PHC2: variants seen among roughly 807,000 people sequenced by gnomAD.
PHC2 encodes the protein polyhomeotic homolog 2.
Under a neutral mutation model 87.4 loss-of-function variants are expected in PHC2, and 29 were observed. The observed-to-expected ratio is 0.33, with a 90% confidence interval of 0.25 to 0.45. PHC2 has a LOEUF of 0.45. Among genes scored for constraint, PHC2 ranks in the 20% least tolerant of loss-of-function variants. The pLI is 1.00. For synonymous variants in PHC2, 438 were observed against 461.7 expected (o/e 0.95, Z 0.66); for missense variants, 857 against 1,136.7 (o/e 0.75, Z 3.54).
At chr1:33,343,487 A>T (rs1024259963) in intron 9 of PHC2, among the ~76,000 whole-genome samples, 2 of 151,440 alleles carry the variant, frequency 1.3e-5, no homozygotes, top group Admixed American at 1.3e-4. Context: ...AAAAAAAAAA[A>T]AAAAGACTCT....
At chr1:33,352,749 G>A (rs1159085810) in intron 9 of PHC2, among the ~76,000 whole-genome samples, 9 of 152,188 alleles carry the variant, frequency 5.9e-5, no homozygotes, top group African/African-American at 2.2e-4. Flanking sequence ...TTCCTATAGG[G>A]TGGGAGAGTT....
At chr1:33,410,306 T>G (rs1421428987) in intron 1 of PHC2, among the ~76,000 whole-genome samples, 3 of 152,202 alleles carry the variant, frequency 2.0e-5, no homozygotes, top group Non-Finnish European at 2.9e-5. Flanking sequence ...ATTGTCTTTG[T>G]GAATGACTCT....
intron 9 of PHC2, among the ~76,000 whole-genome samples, chr1:33,351,870 T>G (rs1219857448): frequency 1.3e-5 from 2 of 149,050 alleles, no homozygotes; most frequent in East Asian, 3.9e-4. Flanking sequence ...GAGAGTCACT[T>G]GAACCCGGGA....
At chr1:33,398,077 A>G (rs1371822305) in intron 1 of PHC2, among the ~76,000 whole-genome samples, 3 of 152,236 alleles carry the variant, frequency 2.0e-5, no homozygotes, top group Non-Finnish European at 2.9e-5. Flanking sequence ...CCATTAGATC[A>G]TCTAGCCCTG....
intron 1 of PHC2, among the ~76,000 whole-genome samples, chr1:33,428,416 G>A (rs931949943): frequency 2.5e-4 from 38 of 152,146 alleles, no homozygotes; most frequent in African/African-American, 8.7e-4. Flanking sequence ...TTCTTTACAC[G>A]ACTTGATCTG....
chr1:33,353,556 C>T (rs1647013183), intron 9 of PHC2: 1 of 152,244 alleles, frequency 6.6e-6, no homozygotes, highest in South Asian at 2.1e-4. Context: ...AACCTTCGTA[C>T]TCTTTTTGCC....
chr1:33,337,463 G>A (rs1379386376), intron 9 of PHC2, among the ~76,000 whole-genome samples: 2 of 152,112 alleles, frequency 1.3e-5, no homozygotes, highest in Non-Finnish European at 2.9e-5. Context: ...GCAGAGACAC[G>A]GGCTTAGACC....
At chr1:33,347,510 T>G (rs1473397791) in intron 9 of PHC2, 1 of 984,994 alleles carries the variant, frequency 1.0e-6, no homozygotes, top group Non-Finnish European at 1.2e-6. Flanking sequence ...GGGGACATGA[T>G]GAAACACCAA....
Position 33,382,004 on chromosome 1 carries a change from T to G in PHC2, c.-54-6411A>C, listed in dbSNP as rs1024509598. On this transcript the variant is annotated intron_variant, in intron 1 of 14. Transcript: ENST00000683057. This position sits in a 1 kb window ranked among gnomAD's most constrained non-coding sequence, Gnocchi z 4.3. ...CACCTCAGGAAACCTCCTGCCCGCA[T>G]GGTGGTGGTGACTTATCAACGAGAG... 7.2e-5 allele frequency among the ~76,000 whole-genome samples: 11 copies of G among 151,996 alleles called. No individual in the cohort carries two copies. Among genetic ancestry groups the G allele is most frequent in the South Asian group, 2.1e-4 (1 of 4,818 alleles).
intron 7 of PHC2, 109 bp from the exon 8 acceptor site, chr1:33,355,362 T>C (rs1255920476): frequency 1.0e-6 from 1 of 956,732 alleles, no homozygotes; most frequent in East Asian, 2.6e-5. Context: ...CCAAATTCAA[T>C]GTCTCTTGTT....
At chr1:33,359,639 A>G (rs1241398990) in intron 7 of PHC2, among the ~76,000 whole-genome samples, 4 of 152,218 alleles carry the variant, frequency 2.6e-5, no homozygotes, top group Admixed American at 2.6e-4. Context: ...GAAGACAGAT[A>G]CTCTCACCAT....
At chr1:33,329,967 G>T in intron 13 of PHC2, 104 bp downstream of exon 13, 1 of 1,254,540 alleles carries the variant, frequency 8.0e-7, no homozygotes, top group Non-Finnish European at 1.1e-6. Flanking sequence ...GCACAGCAGA[G>T]TGCGCTGAAG....
intron 1 of PHC2, among the ~76,000 whole-genome samples, chr1:33,425,395 T>C (rs1451115543): frequency 6.6e-6 from 1 of 152,222 alleles, no homozygotes; most frequent in East Asian, 1.9e-4. Context: ...TGAAAGCCGA[T>C]AAAGGTATGA....
intron 1 of PHC2, among the ~76,000 whole-genome samples, chr1:33,422,095 T>C (rs751455505): frequency 2.6e-5 from 4 of 152,208 alleles, no homozygotes; most frequent in Non-Finnish European, 5.9e-5. Context: ...TCCCCCCATA[T>C]GTGTTCTCTC....
chr1:33,394,684 T>C (rs1649223380), intron 1 of PHC2, among the ~76,000 whole-genome samples: 3 of 152,226 alleles, frequency 2.0e-5, no homozygotes. Context: ...CAAGTGATTC[T>C]CTTGCCTCAG....
intron 1 of PHC2, among the ~76,000 whole-genome samples, chr1:33,410,130 G>C (rs1338788384): frequency 6.6e-6 from 1 of 152,154 alleles, no homozygotes; most frequent in African/African-American, 2.4e-5. Flanking sequence ...TGAATGCCTG[G>C]AATGAGCTGG....
At position 33,368,865 on chromosome 1, in the gene PHC2, G is replaced by C. The variant is rs1647646838; in HGVS notation, c.577-243C>G. 6.6e-6 allele frequency among the ~76,000 whole-genome samples: 1 copy of C among 152,138 alleles called. No individual in the cohort carries two copies. The highest frequency in any genetic ancestry group is 1.5e-5 in the Non-Finnish European group (1 of 68,028). On this transcript the variant is annotated intron_variant, in intron 5 of 14. Coordinates refer to ENST00000683057, the MANE Select transcript of PHC2 (RefSeq NM_001385109.1). This position sits in a 1 kb window ranked among gnomAD's most constrained non-coding sequence, Gnocchi z 6.6. ...TAGAGGCTCGTTGCATCCTGACCCA[G>C]GCTGGGTGCAGGGGTGGGTGGGGAG... is the stretch of plus-strand genomic sequence containing the variant.
intron 1 of PHC2, among the ~76,000 whole-genome samples, chr1:33,428,788 G>A (rs986233049): frequency 6.6e-6 from 1 of 152,354 alleles, no homozygotes; most frequent in East Asian, 1.9e-4. Context: ...TAATAGTAAG[G>A]AGGGAGGGTG....
intron 1 of PHC2, among the ~76,000 whole-genome samples, chr1:33,387,441 G>A (rs1648821083): frequency 6.6e-6 from 1 of 152,174 alleles, no homozygotes; most frequent in Admixed American, 6.5e-5. Context: ...AGGGATAGAT[G>A]GGGTGTCTCC....
Sources: allele counts gnomAD v4.1 joint callset (sites outside exome capture counted in the v4.1 genomes callset), GRCh38; gene constraint gnomAD v4.1.1; non-coding constraint Gnocchi (gnomAD v3.1); transcripts MANE v1.5; gene names NCBI Gene and HGNC (gene_info 2026-07-23, HGNC 2026-07-21).